PCNX1: variants seen among roughly 807,000 people sequenced by gnomAD.
The protein encoded by PCNX1 is pecanex-like protein 1.
PCNX1 carries 78 observed loss-of-function variants against 242.2 expected under a neutral mutation model. The observed-to-expected ratio is 0.32, with a 90% CI of 0.27 to 0.39. PCNX1 has a LOEUF of 0.39. PCNX1 is among the 10% of genes least tolerant of loss of function. The pLI is 1.00. For missense variants in PCNX1, 2,581 were observed against 2,856.5 expected (o/e 0.90, Z 2.20); for synonymous variants, 1,024 against 1,032.9 (o/e 0.99, Z 0.17).
At chr14:70,944,717 T>A (rs1038820995) in intron 1 of PCNX1, among the ~76,000 whole-genome samples, 2 of 152,136 alleles carry the variant, frequency 1.3e-5, no homozygotes, top group African/African-American at 4.8e-5. Context: ...AATCTCACCT[T>A]GAATTGTGAT....
Position 71,053,468 on chromosome 14 carries a change from C to T in PCNX1, c.4577+1456C>T, listed in dbSNP as rs149054353. 5.8e-4 allele frequency: 201 copies of T among 345,100 alleles called. 1 individual carries two copies. In the East Asian group the frequency reaches 0.015, roughly 26 times the overall value. 21.4% of individuals were successfully genotyped at this position (345,100 alleles called of 1,614,324 possible). A position where few individuals can be genotyped will look rare whatever the true frequency, so the allele number is the denominator to read the frequency against. ...GAGTAGCTGGGATTACAGGCGCCCACCAGCACACCTGGCTATTTTTTGTAT... is the reference window on the plus strand; with the variant it reads ...GAGTAGCTGGGATTACAGGCGCCCATCAGCACACCTGGCTATTTTTTGTAT... On this transcript the variant is annotated intron_variant, in intron 24 of 35. Transcript: ENST00000304743.
Position 71,019,173 on chromosome 14 carries a change from CT to C in PCNX1, c.3150+12del, listed in dbSNP as rs1249365625. On this transcript the variant is annotated intron_variant, in intron 12 of 35. Transcript: ENST00000304743. ...TACTCACTGCTTAAGGTACCAGCATCTCTTCTTTTCATGCTACGGAATTATA... is the reference window on the plus strand; with the variant it reads ...TACTCACTGCTTAAGGTACCAGCATCCTTCTTTTCATGCTACGGAATTATA... 35 of 1,587,998 alleles carry C rather than the reference CT, an allele frequency of 2.2e-5. No individual in the cohort carries two copies. The highest frequency in any genetic ancestry group is 2.8e-5 in the Non-Finnish European group (33 of 1,168,538).
chr14:71,001,110 A>G (rs1447284903), intron 8 of PCNX1, among the ~76,000 whole-genome samples: 1 of 152,072 alleles, frequency 6.6e-6, no homozygotes. Context: ...AACTTGTTAT[A>G]TAATCATCTT....
At chr14:70,955,324 A>G (rs1214073498) in intron 2 of PCNX1, among the ~76,000 whole-genome samples, 1 of 152,156 alleles carries the variant, frequency 6.6e-6, no homozygotes, top group African/African-American at 2.4e-5. Context: ...GAGAGAGATT[A>G]TTTTGTTTAG....
intron 26 of PCNX1, among the ~76,000 whole-genome samples, chr14:71,069,941 A>G (rs1375558569): frequency 6.6e-6 from 1 of 152,172 alleles, no homozygotes; most frequent in Non-Finnish European, 1.5e-5. Context: ...GTTTAATAGC[A>G]TTTGCCCATA....
chr14:71,068,681 T>A (rs2061517508), intron 26 of PCNX1, among the ~76,000 whole-genome samples: 1 of 127,770 alleles, frequency 7.8e-6, no homozygotes, highest in African/African-American at 3.1e-5. Flanking sequence ...ATTACAGTTA[T>A]TTTTTATGTG....
Position 71,019,062 on chromosome 14 carries a change from C to G in PCNX1, c.3050C>G (p.Ala1017Gly), listed in dbSNP as rs775864087. ...VLAVILAILV[A>G]FLGSILLIQG... ...GCTGTCATCCTGGCTATTCTCGTGG[C>G]CTTTTTGGGATCTATTCTTCTCATA... Residue 1017 changes from alanine (A) to glycine (G), a missense_variant, in exon 12 of 36, where the codon GCC becomes GGC. Physicochemically the swap from Ala to Gly is moderately conservative, Grantham distance 60. Around this residue, in one of 9 missense-constraint regions of PCNX1, gnomAD observed 55 missense variants for 49.8 expected, o/e 1.10. Transcript: ENST00000304743. 2.5e-6 allele frequency: 4 copies of G among 1,613,138 alleles called. No homozygotes were observed. In the Admixed American group the frequency reaches 6.7e-5, roughly 27 times the overall value.
intron 7 of PCNX1, among the ~76,000 whole-genome samples, chr14:70,989,447 T>C (rs2059094365): frequency 6.6e-6 from 1 of 151,928 alleles, no homozygotes; most frequent in South Asian, 2.1e-4. Context: ...TCAAATCTGC[T>C]GAATCTATGC....
chr14:71,077,863 A>G (rs983692349), intron 28 of PCNX1, among the ~76,000 whole-genome samples: 10 of 152,176 alleles, frequency 6.6e-5, no homozygotes, highest in African/African-American at 9.7e-5. Context: ...ATGTTATTCT[A>G]TATCTCTTCT....
intron 22 of PCNX1, chr14:71,049,032 C>A: frequency 1.0e-6 from 1 of 954,446 alleles, no homozygotes; most frequent in South Asian, 4.9e-5. Flanking sequence ...GAAAATTAAT[C>A]AGAGAATTGT....
chr14:70,994,397 A>ATATATGTGTG (rs1491564786), intron 7 of PCNX1, among the ~76,000 whole-genome samples: 1 of 11,932 alleles, frequency 8.4e-5, no homozygotes, highest in African/African-American at 3.0e-4. Context: ...CAGGCTTAAG[A>ATATATGTGTG]TATATATATA....
chr14:71,032,314 A>G (rs1456045907), intron 16 of PCNX1, among the ~76,000 whole-genome samples: 3 of 152,218 alleles, frequency 2.0e-5, no homozygotes, highest in Non-Finnish European at 4.4e-5. Flanking sequence ...CTCTTAAGAT[A>G]TTAACTTTCT....
intron 6 of PCNX1, among the ~76,000 whole-genome samples, chr14:70,979,826 T>G (rs569873044): frequency 6.6e-6 from 1 of 152,222 alleles, no homozygotes; most frequent in Non-Finnish European, 1.5e-5. Context: ...CGTAAAGAAA[T>G]TTTCTAGTAC....
intron 6 of PCNX1, among the ~76,000 whole-genome samples, chr14:70,981,362 T>A (rs1283676102): frequency 1.3e-5 from 2 of 152,216 alleles, no homozygotes; most frequent in African/African-American, 4.8e-5. Context: ...AGTGTGCCAT[T>A]GTGAAACTCA....
intron 28 of PCNX1, among the ~76,000 whole-genome samples, 157 bp from the exon 29 acceptor site, chr14:71,088,173 C>A (rs544291952): frequency 1.3e-5 from 2 of 152,218 alleles, no homozygotes; most frequent in East Asian, 3.9e-4. Flanking sequence ...CATACACATT[C>A]ATGCTTCATT....
chr14:70,989,845 T>C (rs1185902668), intron 7 of PCNX1, among the ~76,000 whole-genome samples: 1 of 152,192 alleles, frequency 6.6e-6, no homozygotes, highest in Admixed American at 6.5e-5. Context: ...AAAATGGATA[T>C]ACATACTTTA....
Position 71,047,059 on chromosome 14 carries a change from A to G in PCNX1, c.4114A>G (p.Ser1372Gly), listed in dbSNP as rs2060881427. The change falls in exon 21 of 36, where the codon AGC becomes GGC. Residue 1372 changes from serine (S) to glycine (G), a missense_variant. Transcript: ENST00000304743. The stretch of plus-strand genomic sequence containing the variant: ...TCCATTGATTGTTCTCAATGAACTG[A>G]GCAGCAGTGCAGAGACAATTGCTAG... ...IYPLIVLNEL[S>G]SSAETIASPK... The G allele has an allele frequency of 1.2e-6, 2 of 1,611,180 alleles. No individual in the cohort carries two copies. Among genetic ancestry groups the G allele is most frequent in the African/African-American group, 2.7e-5 (2 of 74,854 alleles).
At chr14:71,085,718 T>A (rs981568109) in intron 28 of PCNX1, 4 of 245,256 alleles carry the variant, frequency 1.6e-5, no homozygotes, top group Non-Finnish European at 2.5e-5. Context: ...TGGATAGGTG[T>A]CATCGAGGCA....
intron 3 of PCNX1, among the ~76,000 whole-genome samples, chr14:70,966,157 A>G (rs1164288655): frequency 1.3e-5 from 2 of 152,230 alleles, no homozygotes; most frequent in African/African-American, 4.8e-5. Flanking sequence ...TCACTTGTAA[A>G]TAGTCATGAT....
Sources: allele counts gnomAD v4.1 joint callset (sites outside exome capture counted in the v4.1 genomes callset), GRCh38; gene constraint gnomAD v4.1.1; regional missense constraint gnomAD v4.1.1; transcripts MANE v1.5; gene names NCBI Gene and HGNC (gene_info 2026-07-23, HGNC 2026-07-21).